The following RWDD2B variants were observed in gnomAD, a reference collection of about 807,000 sequenced individuals.
RWDD2B encodes RWD domain containing 2B.
In RWDD2B, 36 loss-of-function variants were observed where a neutral mutation model predicts 33.6. The ratio of observed to expected loss-of-function variants is 1.07; its 90% CI spans 0.82 to 1.42. The LOEUF (loss-of-function observed/expected upper bound fraction) is 1.42. Among genes scored for constraint, RWDD2B ranks in the 40% most tolerant of loss-of-function variants. The probability of loss-of-function intolerance (pLI) is 0.00; values close to 1 mark genes in which losing one functional copy is unlikely to be tolerated. For missense variants in RWDD2B, 364 were observed against 377.5 expected (o/e 0.96, Z 0.30); for synonymous variants, 126 against 133.1 (o/e 0.95, Z 0.37).
intron 1 of RWDD2B, among the ~76,000 whole-genome samples, chr21:29,016,259 A>AT (rs1007689032): frequency 2.7e-5 from 4 of 150,180 alleles, no homozygotes; most frequent in African/African-American, 7.4e-5. Flanking sequence ...TTTTTTTCCG[A>AT]TTTTTTATTT....
intron 3 of RWDD2B, 56 bp downstream of exon 3, chr21:29,008,184 T>C (rs1043668365): frequency 6.2e-7 from 1 of 1,609,398 alleles, no homozygotes; most frequent in Admixed American, 1.7e-5. Context: ...CGAGAATTGC[T>C]TTTATTCTCA....
chr21:29,013,418 G>T (rs1177383296), intron 1 of RWDD2B, among the ~76,000 whole-genome samples: 1 of 152,062 alleles, frequency 6.6e-6, no homozygotes, highest in Non-Finnish European at 1.5e-5. Flanking sequence ...GGCCTGGCGC[G>T]GTAGCTCACG....
rs1568868901 is a variant in RWDD2B, at chr21:29,008,130, G to A, written c.363-7C>T. 1 of 1,610,798 alleles carries A rather than the reference G, an allele frequency of 6.2e-7. No homozygotes were observed. The highest frequency in any genetic ancestry group is 1.1e-5 in the South Asian group (1 of 90,522). On this transcript the variant is annotated splice_polypyrimidine_tract_variant and splice_region_variant and intron_variant, in intron 3 of 4. Transcript: ENST00000493196. ...TCTACTCAATAATACTGATCTAATA[G>A]AAAAGATACAAGAAAAATATTGTCT...
At position 29,005,455 on chromosome 21, in the gene RWDD2B, G is replaced by A. The variant is rs541610106; in HGVS notation, c.*962C>T. 6.6e-6 allele frequency: 1 copy of A among 152,302 alleles called. No homozygotes were observed. Among genetic ancestry groups the A allele is most frequent in the Non-Finnish European group, 1.5e-5 (1 of 68,034 alleles). 9.4% of individuals were successfully genotyped at this position (152,302 alleles called of 1,614,324 possible). Reference sequence around the variant, plus strand: ...ACTGCTAGTAAAAAGCCTAGATATTGGCCAGGCACGGTGGCTTATGCCTGT... The same window carrying A: ...ACTGCTAGTAAAAAGCCTAGATATTAGCCAGGCACGGTGGCTTATGCCTGT... On this transcript the variant is annotated 3_prime_UTR_variant, in exon 5 of 5. Transcript: ENST00000493196.
intron 1 of RWDD2B, among the ~76,000 whole-genome samples, chr21:29,017,173 TTATTAC>T (rs1363287844): frequency 6.6e-6 from 1 of 151,980 alleles, no homozygotes; most frequent in Non-Finnish European, 1.5e-5. Context: ...GTCCGGCTGC[TTATTAC>T]TATTATTATT....
In RWDD2B at chr21:29,006,296, TGCCCC is replaced by T; in HGVS notation, c.*116_*120del. The T allele has an allele frequency of 1.7e-6, 1 of 603,056 alleles. No individual in the cohort carries two copies. The highest frequency in any genetic ancestry group is 2.9e-6 in the Non-Finnish European group (1 of 347,832). 37.4% of individuals were successfully genotyped at this position (603,056 alleles called of 1,614,324 possible). On this transcript the variant is annotated 3_prime_UTR_variant, in exon 5 of 5. Transcript: ENST00000493196. ...ATTTCAGCTATACTATTTTTTCTTG[TGCCCC>T]ACTCCCCAACATTCTAGAATGGAAC...
intron 4 of RWDD2B, among the ~76,000 whole-genome samples, chr21:29,007,390 C>G (rs2084833618): frequency 6.6e-6 from 1 of 152,226 alleles, no homozygotes; most frequent in African/African-American, 2.4e-5. Context: ...ATCTCCACAT[C>G]TCTAATAGTC....
intron 1 of RWDD2B, among the ~76,000 whole-genome samples, chr21:29,017,739 C>A (rs2084897288): frequency 6.6e-6 from 1 of 152,150 alleles, no homozygotes; most frequent in Non-Finnish European, 1.5e-5. Context: ...TCAGGAAAGG[C>A]CTTTCTCCTA....
Position 29,019,318 on chromosome 21 carries a change from A to T in RWDD2B, c.-41T>A. The T allele has an allele frequency of 6.8e-7, 1 of 1,473,766 alleles. No individual in the cohort carries two copies. 91.3% of individuals were successfully genotyped at this position (1,473,766 alleles called of 1,614,324 possible). A position where few individuals can be genotyped will look rare whatever the true frequency, so the allele number is the denominator to read the frequency against. On this transcript the variant is annotated 5_prime_UTR_variant, in exon 1 of 5. Transcript: ENST00000493196. ...AAATTCTAGCATACTGCGACCCAAA[A>T]CTTACAAACCGCCTCAGCTGGCGAC...
rs71189334 is a variant in RWDD2B, at chr21:29,015,224, G to GTTTTTTTT, written c.67+3979_67+3986dup. 1.2e-3 allele frequency among the ~76,000 whole-genome samples: 77 copies of GTTTTTTTT among 64,836 alleles called. 4 individuals are homozygous for GTTTTTTTT. Among genetic ancestry groups the GTTTTTTTT allele is most frequent in the South Asian group, 1.5e-3 (2 of 1,378 alleles). 42.5% of individuals were successfully genotyped at this position (64,836 alleles called of 152,430 possible). A position where few individuals can be genotyped will look rare whatever the true frequency, so the allele number is the denominator to read the frequency against. ...GTTTTCAGAAGTTTGATTATGATGC[G>GTTTTTTTT]TTTTTTTTTTTTTTTTTTTTTTTGA... On this transcript the variant is annotated intron_variant, in intron 1 of 4. Coordinates refer to ENST00000493196, the MANE Select transcript of RWDD2B (RefSeq NM_016940.3).
chr21:29,019,327 C>T lies in RWDD2B; in HGVS notation c.-50G>A. On this transcript the variant is annotated 5_prime_UTR_variant, in exon 1 of 5. Transcript: ENST00000493196. ...CATACTGCGACCCAAAACTTACAAA[C>T]CGCCTCAGCTGGCGACCTACCGGAA... The T allele has an allele frequency of 7.3e-7, 1 of 1,378,798 alleles. No homozygotes were observed. Among genetic ancestry groups the T allele is most frequent in the Non-Finnish European group, 1.0e-6 (1 of 998,086 alleles). The allele number at this position is 1,378,798 out of a possible 1,614,324, so 85.4% of individuals were successfully genotyped here.
chr21:29,010,952 A>C (rs1054460594), intron 1 of RWDD2B, among the ~76,000 whole-genome samples: 1 of 152,088 alleles, frequency 6.6e-6, no homozygotes, highest in African/African-American at 2.4e-5. Context: ...TTGCAGACGG[A>C]GTCTGGTTCA....
chr21:29,011,944 G>A (rs1437448984), intron 1 of RWDD2B, among the ~76,000 whole-genome samples: 2 of 124,350 alleles, frequency 1.6e-5, no homozygotes, highest in African/African-American at 3.1e-5. Context: ...GGGAGGTGGG[G>A]GGGTCAGCCC....
At chr21:29,012,679 G>C (rs1011370883) in intron 1 of RWDD2B, among the ~76,000 whole-genome samples, 3 of 151,640 alleles carry the variant, frequency 2.0e-5, no homozygotes, top group African/African-American at 7.3e-5. Flanking sequence ...AGAGACCTTT[G>C]TTCACTTGTT....
At chr21:29,011,903 C>A (rs2084863865) in intron 1 of RWDD2B, among the ~76,000 whole-genome samples, 2 of 124,494 alleles carry the variant, frequency 1.6e-5, no homozygotes, top group Non-Finnish European at 3.4e-5. Context: ...GGGGGGTCAG[C>A]CCCCCGCCTG....
intron 1 of RWDD2B, among the ~76,000 whole-genome samples, chr21:29,014,354 A>G (rs2084879389): frequency 6.6e-6 from 1 of 152,206 alleles, no homozygotes; most frequent in Non-Finnish European, 1.5e-5. Context: ...TCTTCTTCTG[A>G]AATGCTGATG....
intron 3 of RWDD2B, 51 bp from the exon 4 acceptor site, chr21:29,008,174 C>T (rs558072088): frequency 2.1e-5 from 34 of 1,609,858 alleles, no homozygotes; most frequent in South Asian, 1.9e-4. Flanking sequence ...AAAACAAATT[C>T]GAGAATTGCT....
At chr21:29,006,752 T>C (rs1343587600) in intron 4 of RWDD2B, 101 bp from the exon 5 acceptor site, 1 of 686,112 alleles carries the variant, frequency 1.5e-6, no homozygotes, top group Non-Finnish European at 2.4e-6. Flanking sequence ...TTCCTAGAAG[T>C]AGTCTACTTT....
At chr21:29,018,512 G>T (rs548348422) in intron 1 of RWDD2B, among the ~76,000 whole-genome samples, 1 of 152,338 alleles carries the variant, frequency 6.6e-6, no homozygotes, top group South Asian at 2.1e-4. Context: ...TATTGAATTG[G>T]AGGTATCGAA....
Sources: gnomAD v4.1 joint callset for allele counts (sites outside exome capture counted in the v4.1 genomes callset) on GRCh38, gnomAD v4.1.1 for gene constraint, MANE v1.5 for transcripts, NCBI Gene and HGNC (gene_info 2026-07-23, HGNC 2026-07-21) for gene names.